NRG4: variants seen among roughly 807,000 people sequenced by gnomAD.
The protein encoded by NRG4 is pro-neuregulin-4, membrane-bound isoform.
In NRG4, 10 loss-of-function variants were observed where a neutral mutation model predicts 15.0. The ratio of observed to expected loss-of-function variants is 0.67; its 90% CI spans 0.41 to 1.13. NRG4 has a LOEUF of 1.13. Ranked by LOEUF, NRG4 falls within the 50% of genes most tolerant of loss-of-function variation. NRG4 has a pLI of 0.00. For synonymous variants in NRG4, 41 were observed against 50.1 expected, an observed-to-expected ratio of 0.82 and a Z score of 0.77; for missense variants, 139 against 140.2, an observed-to-expected ratio of 0.99 and a Z score of 0.04.
At chr15:75,985,396 T>C (rs1359740465) in intron 3 of NRG4, among the ~76,000 whole-genome samples, 1 of 152,150 alleles carries the variant, frequency 6.6e-6, no homozygotes, top group Non-Finnish European at 1.5e-5. Flanking sequence ...AGTAATGAAT[T>C]GTGACAATTT....
In NRG4 at chr15:76,006,468, AT is replaced by A. The variant is rs554154512; in HGVS notation, c.104+2731del. On this transcript the variant is annotated intron_variant, in intron 3 of 5. Transcript: ENST00000394907. ...CAATGTTACTGAACCTGCAGTCACT[AT>A]TTTTTTTATCCTTTTTTCTCAGTCG... Among the ~76,000 whole-genome samples the A allele has an allele frequency of 3.0e-3, 456 of 151,910 alleles. 3 individuals carry two copies. The highest frequency in any genetic ancestry group is 0.011 in the African/African-American group (437 of 41,454).
chr15:76,044,153 G>A (rs563205626), intron 4 of NRG4, among the ~76,000 whole-genome samples: 3,082 of 150,854 alleles, frequency 0.02, 103 homozygotes, highest in African/African-American at 0.071. Context: ...GCCCGCCACC[G>A]CGCCCGGCTA....
At chr15:76,058,547 C>A (rs1383726903) in intron 1 of NRG4, among the ~76,000 whole-genome samples, 1 of 152,178 alleles carries the variant, frequency 6.6e-6, no homozygotes, top group African/African-American at 2.4e-5. Flanking sequence ...CTACCATTTT[C>A]ATTTTATCCA....
intron 5 of NRG4, among the ~76,000 whole-genome samples, chr15:75,953,508 T>C (rs1340060346): frequency 4.6e-5 from 7 of 152,260 alleles, no homozygotes; most frequent in African/African-American, 1.7e-4. Flanking sequence ...TGCCTTGTGT[T>C]TGAAAGATAT....
At chr15:75,958,601 C>T (rs1287140802) in intron 4 of NRG4, among the ~76,000 whole-genome samples, 6 of 152,206 alleles carry the variant, frequency 3.9e-5, no homozygotes, top group Middle Eastern at 3.4e-3. Context: ...AGCTTTTTAC[C>T]CCCAGACATT....
upstream of NRG4, chr15:76,059,873 G>A (rs1412426989): frequency 6.9e-6 from 1 of 145,126 alleles, no homozygotes; most frequent in African/African-American, 2.5e-5. Flanking sequence ...GAGGCCTCGC[G>A]CGCGCCCCCG....
At chr15:75,956,559 G>A (rs335727) in intron 4 of NRG4, among the ~76,000 whole-genome samples, 150,548 of 152,310 alleles carry the variant, frequency 0.99, 74,424 homozygotes, top group East Asian at 1. Flanking sequence ...ATTTTTTGCA[G>A]TATGTCTATA....
At chr15:76,058,360 G>C (rs1433451497) in intron 1 of NRG4, among the ~76,000 whole-genome samples, 1 of 152,162 alleles carries the variant, frequency 6.6e-6, no homozygotes, top group Non-Finnish European at 1.5e-5. Context: ...TCCACCATTA[G>C]AGATTAGAGA....
At chr15:76,016,270 T>A (rs1225317430), upstream of NRG4, among the ~76,000 whole-genome samples, 1 of 152,078 alleles carries the variant, frequency 6.6e-6, no homozygotes. Context: ...ATTTTATTGA[T>A]CTTTTCAAAA....
intron 3 of NRG4, among the ~76,000 whole-genome samples, chr15:76,003,208 T>C (rs1279903024): frequency 4.6e-5 from 7 of 152,146 alleles, no homozygotes; most frequent in Admixed American, 3.3e-4. Context: ...TACACTTTCA[T>C]AGAATTAACA....
At chr15:76,013,243 T>C (rs2034873157), upstream of NRG4, among the ~76,000 whole-genome samples, 1 of 151,988 alleles carries the variant, frequency 6.6e-6, no homozygotes, top group Non-Finnish European at 1.5e-5. Context: ...AGGAGAATGG[T>C]GTGAACCCGG....
rs550540719 is a variant in NRG4, at chr15:75,977,282, C to G, written c.105-15308G>C. Among the ~76,000 whole-genome samples the G allele has an allele frequency of 6.6e-6, 1 of 152,290 alleles. No homozygotes were observed. The highest frequency in any genetic ancestry group is 2.4e-5 in the African/African-American group (1 of 41,576). ...CTCCATGGGGGTGGGATCCACTGAG[C>G]TAGACCACTTGGCTCCCTGGCTTCA... On this transcript the variant is annotated intron_variant, in intron 3 of 5. Transcript: ENST00000394907. The surrounding 1 kb of genome is among the most constrained non-coding windows in gnomAD (Gnocchi z 4.9).
chr15:75,963,428 G>A (rs2032628994), intron 3 of NRG4, among the ~76,000 whole-genome samples: 1 of 152,080 alleles, frequency 6.6e-6, no homozygotes. Flanking sequence ...AGGATCACTT[G>A]GGGCCAGGAG....
upstream of NRG4, among the ~76,000 whole-genome samples, chr15:76,013,756 G>A (rs2034889285): frequency 6.6e-6 from 1 of 152,104 alleles, no homozygotes; most frequent in African/African-American, 2.4e-5. Context: ...GGGGAATTTG[G>A]GTTGGTTCCA....
intron 3 of NRG4, among the ~76,000 whole-genome samples, chr15:75,969,421 T>G (rs896948534): frequency 6.6e-6 from 1 of 152,254 alleles, no homozygotes; most frequent in African/African-American, 2.4e-5. Context: ...TAATTTGGTA[T>G]AACTTCAGTA....
At chr15:76,024,622 G>A (rs1284293053) in intron 5 of NRG4, among the ~76,000 whole-genome samples, 2 of 152,158 alleles carry the variant, frequency 1.3e-5, no homozygotes, top group Non-Finnish European at 2.9e-5. Context: ...ACAACTCCAA[G>A]GCCCCAACCC....
At chr15:76,052,031 T>C (rs139674397) in intron 4 of NRG4, 2 of 151,070 alleles carry the variant, frequency 1.3e-5, no homozygotes, top group Admixed American at 6.6e-5. Flanking sequence ...TGGCTACATA[T>C]ATAGCCCCAA....
At chr15:76,023,043 G>A (rs948338319) in intron 5 of NRG4, among the ~76,000 whole-genome samples, 2 of 151,196 alleles carry the variant, frequency 1.3e-5, no homozygotes, top group African/African-American at 2.4e-5. Flanking sequence ...AATAACTAAA[G>A]GAATAGCTAT....
chr15:75,974,266 A>G (rs548427392), intron 3 of NRG4, among the ~76,000 whole-genome samples: 1 of 151,904 alleles, frequency 6.6e-6, no homozygotes, highest in East Asian at 1.9e-4. Flanking sequence ...TTTCTTCTTT[A>G]TTAGTCTGGC....
Sources: gnomAD v4.1 joint callset for allele counts (sites outside exome capture counted in the v4.1 genomes callset) on GRCh38, gnomAD v4.1.1 for gene constraint, Gnocchi (gnomAD v3.1) non-coding constraint, MANE v1.5 for transcripts, NCBI Gene and HGNC (gene_info 2026-07-23, HGNC 2026-07-21) for gene names.